Variants in NFIB observed in about 807,000 individuals in gnomAD.
NFIB encodes the protein nuclear factor 1 B-type.
In NFIB, 11 loss-of-function variants were observed where a neutral mutation model predicts 61.5. The observed-to-expected ratio is 0.18, with a 90% CI of 0.11 to 0.30. The LOEUF (loss-of-function observed/expected upper bound fraction) is 0.30, where lower values mean the gene tolerates loss of function less well. Among genes scored for constraint, NFIB ranks in the 10% least tolerant of loss-of-function variants. The pLI, the probability that NFIB is intolerant of heterozygous loss-of-function variation, is 1.00. For synonymous variants in NFIB, 260 were observed against 216.5 expected (o/e 1.20, Z -1.76); for missense variants, 471 against 608.9 (o/e 0.77, Z 2.38).
chr9:14,224,689 G>A (rs112312986), intron 2 of NFIB, among the ~76,000 whole-genome samples: 62 of 152,288 alleles, frequency 4.1e-4, no homozygotes, highest in African/African-American at 1.4e-3. Flanking sequence ...CAAATACTAT[G>A]CCATTTTATA....
chr9:14,113,658 C>G (rs2037710633), intron 9 of NFIB, among the ~76,000 whole-genome samples: 5 of 152,050 alleles, frequency 3.3e-5, no homozygotes, highest in Admixed American at 3.3e-4. Flanking sequence ...GGTATTTTAC[C>G]TGTGAAAATG....
At position 14,296,667 on chromosome 9, in the gene NFIB, G is replaced by A. The variant is rs74700862; in HGVS notation, c.562+10322C>T. Among the ~76,000 whole-genome samples the A allele has an allele frequency of 9.9e-3, 1,508 of 152,308 alleles. 8 individuals carry two copies. The highest frequency in any genetic ancestry group is 0.016 in the Non-Finnish European group (1,071 of 68,024). On this transcript the variant is annotated intron_variant, in intron 2 of 10. Transcript: ENST00000380953. ...CTCTGCCACCCGGAAGAGAGCCCTC[G>A]CTGGAACTTGACTATGCTGGCACTC...
At chr9:14,432,303 A>G in the NFIB span, among the ~76,000 whole-genome samples, 31 of 152,236 alleles carry the variant, frequency 2.0e-4, no homozygotes, top group Non-Finnish European at 1.2e-4. Context: ...TAAAGGCAAC[A>G]TTCAGAAAGA....
chr9:14,497,494 GA>G, the NFIB span, among the ~76,000 whole-genome samples: 3 of 152,296 alleles, frequency 2.0e-5, no homozygotes, highest in South Asian at 6.2e-4. Flanking sequence ...CTGATTTTAA[GA>G]AGGAAGTAGG....
rs142699210 is a variant in NFIB at position 14,222,897 on chromosome 9, C to T, written c.563-43117G>A. Among the ~76,000 whole-genome samples the T allele has an allele frequency of 2.6e-4, 39 of 152,130 alleles. No individual in the cohort carries two copies. In the East Asian group the frequency reaches 7.5e-3, roughly 29 times the overall value. Reference sequence around the variant, plus strand: ...CCTACTCTTTGGACTCAACATTAATCCATTTCTTCTTTCCACTGCTCCCTC... The same window carrying T: ...CCTACTCTTTGGACTCAACATTAATTCATTTCTTCTTTCCACTGCTCCCTC... On this transcript the variant is annotated intron_variant, in intron 2 of 10. Coordinates refer to ENST00000380953, the MANE Select transcript of NFIB (RefSeq NM_001190737.2).
chr9:14,293,966 T>C (rs2059262583), intron 2 of NFIB, among the ~76,000 whole-genome samples: 1 of 152,230 alleles, frequency 6.6e-6, no homozygotes. Flanking sequence ...ATATTCATAT[T>C]GCTCAACAGT....
rs547881340 is a variant in NFIB, at chr9:14,369,443, G to T, written c.108+29081C>A. ...ACAGGGGTCCATCTCATAGCCAACA[G>T]TTCTTCCTTCTGGAGCCATGGTTCC... On this transcript the variant is annotated intron_variant, in intron 1 of 8. Transcript: ENST00000380934. Among the ~76,000 whole-genome samples, 4 of 152,232 alleles carry T rather than the reference G, an allele frequency of 2.6e-5. No homozygotes were observed. In the East Asian group the frequency reaches 7.7e-4, roughly 29 times the overall value.
At chr9:14,330,045 T>G (rs995629380) in intron 1 of NFIB, among the ~76,000 whole-genome samples, 2 of 152,036 alleles carry the variant, frequency 1.3e-5, no homozygotes, top group African/African-American at 4.8e-5. Context: ...GAGAATCACT[T>G]GAACCCTGGA....
At chr9:14,439,093 C>A in the NFIB span, among the ~76,000 whole-genome samples, 1 of 152,166 alleles carries the variant, frequency 6.6e-6, no homozygotes, top group African/African-American at 2.4e-5. Context: ...GTTTCAGGCT[C>A]GGCGTTGTGG....
chr9:14,286,434 A>G (rs1202881800), intron 2 of NFIB, among the ~76,000 whole-genome samples: 1 of 152,214 alleles, frequency 6.6e-6, no homozygotes, highest in Non-Finnish European at 1.5e-5. Flanking sequence ...ATGTATAACT[A>G]CCATGTACAC....
At chr9:14,492,943 C>T in the NFIB span, among the ~76,000 whole-genome samples, 2 of 152,212 alleles carry the variant, frequency 1.3e-5, no homozygotes, top group African/African-American at 2.4e-5. Flanking sequence ...CTCTGAGCTT[C>T]ATATTCCTAC....
intron 1 of NFIB, among the ~76,000 whole-genome samples, chr9:14,309,644 A>G (rs954201021): frequency 2.0e-5 from 3 of 152,230 alleles, no homozygotes; most frequent in Admixed American, 6.5e-5. Flanking sequence ...ACATCCCATG[A>G]TAAGACCTCC....
At chr9:14,405,139 A>G in the NFIB span, among the ~76,000 whole-genome samples, 1 of 152,138 alleles carries the variant, frequency 6.6e-6, no homozygotes. Context: ...ATTCTCCATA[A>G]TCTCTCTTCC....
At chr9:14,531,532 A>G in the NFIB span, among the ~76,000 whole-genome samples, 1 of 152,302 alleles carries the variant, frequency 6.6e-6, no homozygotes, top group African/African-American at 2.4e-5. Flanking sequence ...CTAAATCATT[A>G]TTCAGAGGAG....
At chr9:14,196,103 G>A (rs1425188682) in intron 2 of NFIB, among the ~76,000 whole-genome samples, 1 of 151,858 alleles carries the variant, frequency 6.6e-6, no homozygotes, top group East Asian at 1.9e-4. Context: ...CACGCTGGTT[G>A]AACTTAATTT....
At chr9:14,095,322 T>C (rs1376761450) in intron 10 of NFIB, among the ~76,000 whole-genome samples, 1 of 152,122 alleles carries the variant, frequency 6.6e-6, no homozygotes. Context: ...AGTACACACA[T>C]GCATACATAT....
At chr9:14,475,410 A>G in the NFIB span, among the ~76,000 whole-genome samples, 1 of 152,214 alleles carries the variant, frequency 6.6e-6, no homozygotes, top group Non-Finnish European at 1.5e-5. Flanking sequence ...TAGCCTTAGT[A>G]AGTGAGGAGA....
chr9:14,404,633 CA>C, the NFIB span, among the ~76,000 whole-genome samples: 1 of 152,258 alleles, frequency 6.6e-6, no homozygotes, highest in East Asian at 1.9e-4. Context: ...GCTAAAAATG[CA>C]GACTTGTTTT....
chr9:14,315,748 T>G (rs2060518044), upstream of NFIB, among the ~76,000 whole-genome samples: 1 of 151,000 alleles, frequency 6.6e-6, no homozygotes, highest in Non-Finnish European at 1.5e-5. Flanking sequence ...CCCGCCCACA[T>G]ACACACACCG....
Sources: allele counts gnomAD v4.1 joint callset (sites outside exome capture counted in the v4.1 genomes callset), GRCh38; gene constraint gnomAD v4.1.1; transcripts MANE v1.5; gene names NCBI Gene and HGNC (gene_info 2026-07-23, HGNC 2026-07-21).